The following SRGAP3 variants were observed in gnomAD, a reference collection of about 807,000 sequenced individuals.
The protein encoded by SRGAP3 is SLIT-ROBO Rho GTPase-activating protein 3.
Under a neutral mutation model 121.1 loss-of-function variants are expected in SRGAP3, and 39 were observed. That is an observed-to-expected ratio of 0.32 (90% CI 0.25 to 0.42). The LOEUF is 0.42. Among genes scored for constraint, SRGAP3 ranks in the 10% least tolerant of loss-of-function variants. SRGAP3 has a pLI of 1.00. For synonymous variants in SRGAP3, 601 were observed against 570.0 expected (o/e 1.05, Z -0.77); for missense variants, 1,213 against 1,470.6 (o/e 0.82, Z 2.86).
chr3:9,166,424 C>G (rs1449256180), intron 1 of SRGAP3, among the ~76,000 whole-genome samples: 1 of 152,216 alleles, frequency 6.6e-6, no homozygotes, highest in Non-Finnish European at 1.5e-5. Flanking sequence ...GGGCTCACCA[C>G]TGCCCCCAGG....
chr3:9,126,073 CT>C (rs1280554250), intron 1 of SRGAP3, among the ~76,000 whole-genome samples: 1 of 152,170 alleles, frequency 6.6e-6, no homozygotes, highest in Non-Finnish European at 1.5e-5. Flanking sequence ...CAGAACTACT[CT>C]GGGGTACACA....
chr3:9,163,461 G>A (rs1030721176), intron 1 of SRGAP3, among the ~76,000 whole-genome samples: 6 of 152,242 alleles, frequency 3.9e-5, no homozygotes, highest in African/African-American at 1.2e-4. Context: ...GACCGAAGGC[G>A]TTTTGAATGT....
intron 3 of SRGAP3, among the ~76,000 whole-genome samples, chr3:9,100,023 A>G (rs1948154191): frequency 6.6e-6 from 1 of 152,228 alleles, no homozygotes; most frequent in Non-Finnish European, 1.5e-5. Flanking sequence ...GTGTGAGTCC[A>G]TGTGGGGCTG....
rs372911787 is a variant in SRGAP3, at chr3:9,024,618, G to A, written c.1678+643C>T. ...GTATCATATGTGTCCTGGTCTAGTG[G>A]TCCACCTCATTTCTAATAAGCTTTC... On this transcript the variant is annotated intron_variant, in intron 14 of 21. Transcript: ENST00000383836. Among the ~76,000 whole-genome samples, 11 of 152,290 alleles carry A rather than the reference G, an allele frequency of 7.2e-5. No homozygotes were observed. The South Asian group carries it at 2.3e-3, about 32-fold the overall frequency.
chr3:9,331,740 C>A (rs1955610860), intron 1 of SRGAP3, among the ~76,000 whole-genome samples: 1 of 152,120 alleles, frequency 6.6e-6, no homozygotes, highest in Non-Finnish European at 1.5e-5. Context: ...ATTCTCAGAA[C>A]CCCTGTCCAA....
chr3:9,340,310 C>A (rs2596930), intron 1 of SRGAP3, among the ~76,000 whole-genome samples: 1 of 152,078 alleles, frequency 6.6e-6, no homozygotes, highest in Non-Finnish European at 1.5e-5. Flanking sequence ...CTCTCTTCCC[C>A]CTCCTGCTTC....
chr3:9,287,011 G>GTTTTTT, intron 3 of SRGAP3, among the ~76,000 whole-genome samples: 5 of 117,298 alleles, frequency 4.3e-5, no homozygotes, highest in South Asian at 2.9e-4. Context: ...TTTTTTTTTG[G>GTTTTTT]GACAGGGTCT....
intron 1 of SRGAP3, among the ~76,000 whole-genome samples, chr3:9,173,802 C>T (rs894382294): frequency 6.6e-6 from 1 of 152,198 alleles, no homozygotes. Context: ...TGCTCTTTCC[C>T]ATCACGGGAC....
chr3:8,991,063 G>A (rs942600944), intron 20 of SRGAP3, among the ~76,000 whole-genome samples: 1 of 152,218 alleles, frequency 6.6e-6, no homozygotes, highest in East Asian at 1.9e-4. Flanking sequence ...AGCATTTGGA[G>A]CACGGTGCTT....
At chr3:9,281,152 T>C (rs953727233) in intron 3 of SRGAP3, among the ~76,000 whole-genome samples, 2 of 152,184 alleles carry the variant, frequency 1.3e-5, no homozygotes, top group African/African-American at 4.8e-5. Flanking sequence ...ACAAAGCCAC[T>C]GAAATCCCAG....
Position 8,990,584 on chromosome 3 carries a change from C to T in SRGAP3, c.2814G>A (p.Arg938=). 1 of 1,596,956 alleles carries T rather than the reference C, an allele frequency of 6.3e-7. No homozygotes were observed. Among genetic ancestry groups the T allele is most frequent in the Non-Finnish European group, 8.5e-7 (1 of 1,172,240 alleles). ...TGTGCCTGGTGGAACCGCAGGTCGA[C>T]CTCATCGAGTGCCCTTCGGAGAGCG... ...KKALSEGHSM[R]STCGSTRHSS... Residue 938 remains arginine (R), a synonymous_variant, in exon 21 of 22, where the codon AGG becomes AGA. Coordinates refer to ENST00000383836, the MANE Select transcript of SRGAP3 (RefSeq NM_014850.4).
At chr3:9,268,289 G>A (rs1258847836) in intron 3 of SRGAP3, among the ~76,000 whole-genome samples, 1 of 140,912 alleles carries the variant, frequency 7.1e-6, no homozygotes, top group Non-Finnish European at 1.6e-5. Flanking sequence ...AGAGACCAGA[G>A]AGAAGAGTCT....
intron 8 of SRGAP3, among the ~76,000 whole-genome samples, chr3:9,056,009 C>T (rs1005893054): frequency 6.6e-6 from 1 of 152,198 alleles, no homozygotes; most frequent in African/African-American, 2.4e-5. Flanking sequence ...AAGCAATTCT[C>T]TTACCTCAGC....
intron 1 of SRGAP3, among the ~76,000 whole-genome samples, chr3:9,223,384 A>G (rs1560450696): frequency 6.6e-6 from 1 of 152,244 alleles, no homozygotes; most frequent in Non-Finnish European, 1.5e-5. Flanking sequence ...TCAGGAAATA[A>G]TGAATTAAAT....
At chr3:9,279,858 A>G (rs373446645) in intron 3 of SRGAP3, among the ~76,000 whole-genome samples, 1 of 152,168 alleles carries the variant, frequency 6.6e-6, no homozygotes, top group Non-Finnish European at 1.5e-5. Context: ...CAGGACAGGC[A>G]GTAAGGTGGC....
At chr3:9,139,564 G>A (rs974626203) in intron 1 of SRGAP3, among the ~76,000 whole-genome samples, 2 of 152,250 alleles carry the variant, frequency 1.3e-5, no homozygotes, top group African/African-American at 2.4e-5. Context: ...CCGCTGGAGG[G>A]AGTGTGGCTC....
intron 1 of SRGAP3, among the ~76,000 whole-genome samples, chr3:9,203,418 G>A (rs1952136711): frequency 1.3e-5 from 2 of 152,188 alleles, no homozygotes; most frequent in Admixed American, 1.3e-4. Context: ...AGAGTTCACA[G>A]ACATTTACAA....
At chr3:9,331,028 T>C (rs1197436904) in intron 1 of SRGAP3, among the ~76,000 whole-genome samples, 1 of 152,228 alleles carries the variant, frequency 6.6e-6, no homozygotes, top group African/African-American at 2.4e-5. Flanking sequence ...TTAACAACTA[T>C]AAATGGATTT....
chr3:9,188,093 G>C (rs1484631899), intron 1 of SRGAP3, among the ~76,000 whole-genome samples: 1 of 152,176 alleles, frequency 6.6e-6, no homozygotes, highest in Non-Finnish European at 1.5e-5. Flanking sequence ...CAAGGATCTA[G>C]CTGTACCCTT....
Sources: gnomAD v4.1 joint callset for allele counts (sites outside exome capture counted in the v4.1 genomes callset) on GRCh38, gnomAD v4.1.1 for gene constraint, MANE v1.5 for transcripts, NCBI Gene and HGNC (gene_info 2026-07-23, HGNC 2026-07-21) for gene names.